The following NAMPT variants were observed in gnomAD, a reference collection of about 807,000 sequenced individuals.
The protein encoded by NAMPT is NAmPRTase.
In NAMPT, 7 loss-of-function variants were observed where a neutral mutation model predicts 58.7. That is an observed-to-expected ratio of 0.12 (90% CI 0.07 to 0.22). The LOEUF is 0.22. Among genes scored for constraint, NAMPT ranks in the 10% least tolerant of loss-of-function variants. The pLI, the probability that NAMPT is intolerant of heterozygous loss-of-function variation, is 1.00. For missense variants in NAMPT, 271 were observed against 567.9 expected (o/e 0.48, Z 5.31); for synonymous variants, 145 against 198.1 (o/e 0.73, Z 2.25).
intron 1 of NAMPT, chr7:106,284,253 C>A (rs1792820083): frequency 1.3e-5 from 2 of 152,152 alleles, no homozygotes; most frequent in South Asian, 4.1e-4. Flanking sequence ...CTACCGGGGC[C>A]AGGCGAGTGT....
At chr7:106,260,931 A>G (rs756584485) in intron 8 of NAMPT, among the ~76,000 whole-genome samples, 1 of 152,220 alleles carries the variant, frequency 6.6e-6, no homozygotes, top group African/African-American at 2.4e-5. Context: ...ACAGATCACC[A>G]TAACAGATAT....
At chr7:106,265,292 C>T (rs1020653410) in intron 6 of NAMPT, among the ~76,000 whole-genome samples, 2 of 152,094 alleles carry the variant, frequency 1.3e-5, no homozygotes, top group Admixed American at 1.3e-4. Flanking sequence ...AGTCACCTAA[C>T]GATCTACTTG....
intron 6 of NAMPT, among the ~76,000 whole-genome samples, chr7:106,266,898 T>C (rs1445802763): frequency 6.6e-6 from 1 of 152,198 alleles, no homozygotes. Flanking sequence ...TGCACATAGT[T>C]AACATTCAGT....
Position 106,249,819 on chromosome 7 carries a change from C to T in NAMPT, c.*1264G>A, listed in dbSNP as rs563554798. ...GATCTACATACATAAAAGAATCATTCGAAAGAAACTGGTCTCTAGTCAGAT... is the reference window on the plus strand; with the variant it reads ...GATCTACATACATAAAAGAATCATTTGAAAGAAACTGGTCTCTAGTCAGAT... On this transcript the variant is annotated 3_prime_UTR_variant, in exon 11 of 11. Coordinates refer to ENST00000222553, the MANE Select transcript of NAMPT (RefSeq NM_005746.3). The T allele has an allele frequency of 4.6e-5, 7 of 151,936 alleles. No homozygotes were observed. The highest frequency in any genetic ancestry group is 1.3e-4 in the Admixed American group (2 of 15,228). The allele number at this position is 151,936 out of a possible 1,614,324, so 9.4% of individuals were successfully genotyped here.
At chr7:106,261,754 C>G in intron 7 of NAMPT, 47 bp from the exon 8 acceptor site, 1 of 1,559,198 alleles carries the variant, frequency 6.4e-7, no homozygotes, top group Non-Finnish European at 8.8e-7. Context: ...AAGCTGAAAA[C>G]AAGTATAAGA....
rs561078750 is a variant in NAMPT, at chr7:106,256,038, G to A, written c.1090-1534C>T. Among the ~76,000 whole-genome samples, 19 of 152,288 alleles carry A rather than the reference G, an allele frequency of 1.2e-4. 1 individual carries two copies. The highest frequency in any genetic ancestry group is 7.8e-4 in the Admixed American group (12 of 15,306). On this transcript the variant is annotated intron_variant, in intron 8 of 10. Coordinates refer to ENST00000222553, the MANE Select transcript of NAMPT (RefSeq NM_005746.3). The stretch of plus-strand genomic sequence containing the variant: ...AGTTTTAAAATTTAGACAATTTGGA[G>A]TTAAAGTGAATTTTGAGTCTGGGAA...
intron 1 of NAMPT, among the ~76,000 whole-genome samples, chr7:106,280,700 G>C (rs904513922): frequency 6.6e-6 from 1 of 152,142 alleles, no homozygotes; most frequent in African/African-American, 2.4e-5. Flanking sequence ...CCAGCACTTT[G>C]GGAGGCCAAG....
At chr7:106,276,783 GCTGAGTTGAGATCATGCCATTGCA>G (rs1458388002) in intron 2 of NAMPT, 4 of 368,080 alleles carry the variant, frequency 1.1e-5, no homozygotes, top group Non-Finnish European at 2.0e-5. Context: ...CGGAGGTTGC[GCTGAGTTGAGATCATGCCATTGCA>G]CTCCAGCCTG....
intron 1 of NAMPT, among the ~76,000 whole-genome samples, chr7:106,277,551 G>T (rs1042209865): frequency 6.6e-6 from 1 of 152,170 alleles, no homozygotes; most frequent in Non-Finnish European, 1.5e-5. Flanking sequence ...GCAGAATTTG[G>T]TACTGCTAAT....
At chr7:106,285,440 C>T (rs953180476), upstream of NAMPT, 1 of 701,644 alleles carries the variant, frequency 1.4e-6, no homozygotes, top group South Asian at 6.2e-5. Flanking sequence ...CCTACCCAGT[C>T]CTGGCCGGTT....
At chr7:106,280,735 A>G (rs1292557819) in intron 1 of NAMPT, among the ~76,000 whole-genome samples, 1 of 152,026 alleles carries the variant, frequency 6.6e-6, no homozygotes, top group East Asian at 1.9e-4. Flanking sequence ...AGGTCGGGAG[A>G]TGGAGACCAT....
At chr7:106,258,884 GACA>G (rs1016591545) in intron 8 of NAMPT, among the ~76,000 whole-genome samples, 7 of 151,988 alleles carry the variant, frequency 4.6e-5, no homozygotes, top group African/African-American at 1.7e-4. Context: ...GCCTTAAAAT[GACA>G]ACAATGAAGT....
intron 3 of NAMPT, among the ~76,000 whole-genome samples, chr7:106,274,568 A>G (rs1792598365): frequency 6.6e-6 from 1 of 152,146 alleles, no homozygotes; most frequent in South Asian, 2.1e-4. Context: ...TCTTATTCAA[A>G]TTCTGGCCGG....
Position 106,277,192 on chromosome 7 carries a change from A to G in NAMPT, c.58-13T>C. On this transcript the variant is annotated splice_polypyrimidine_tract_variant and intron_variant, in intron 1 of 10. Coordinates refer to ENST00000222553, the MANE Select transcript of NAMPT (RefSeq NM_005746.3). The stretch of plus-strand genomic sequence containing the variant: ...TATAGTGAGTAACCTATGTAAAGAA[A>G]TACACTTCTGTTAGAAAACACCGAT... The G allele has an allele frequency of 6.2e-7, 1 of 1,601,198 alleles. No individual in the cohort carries two copies. Among genetic ancestry groups the G allele is most frequent in the Non-Finnish European group, 8.5e-7 (1 of 1,171,564 alleles).
At chr7:106,257,402 C>T (rs573005197) in intron 8 of NAMPT, among the ~76,000 whole-genome samples, 10 of 150,208 alleles carry the variant, frequency 6.7e-5, no homozygotes, top group African/African-American at 2.5e-4. Flanking sequence ...GAGTTCGAGG[C>T]CAAACAGTTG....
chr7:106,267,466 A>G (rs1232997934), intron 6 of NAMPT, among the ~76,000 whole-genome samples: 2 of 152,194 alleles, frequency 1.3e-5, no homozygotes, highest in African/African-American at 4.8e-5. Context: ...TTTAAGTATT[A>G]GCAGAACTTA....
At chr7:106,253,843 C>CCT (rs1301384565) in intron 9 of NAMPT, among the ~76,000 whole-genome samples, 1 of 152,094 alleles carries the variant, frequency 6.6e-6, no homozygotes, top group Non-Finnish European at 1.5e-5. Context: ...TTAGCATCCT[C>CCT]CTGCCTCTGT....
chr7:106,267,703 T>TAGTGGCGGGCGC (rs937516034), intron 6 of NAMPT, among the ~76,000 whole-genome samples: 1 of 148,864 alleles, frequency 6.7e-6, no homozygotes, highest in Non-Finnish European at 1.5e-5. Context: ...TAGCCGGGCG[T>TAGTGGCGGGCGC]AGTGGCGGGC....
intron 1 of NAMPT, among the ~76,000 whole-genome samples, chr7:106,278,101 T>C (rs977965720): frequency 6.6e-6 from 1 of 152,200 alleles, no homozygotes; most frequent in Non-Finnish European, 1.5e-5. Flanking sequence ...CCATTTTTCA[T>C]GAGTGATCAC....
Sources: gnomAD v4.1 joint callset for allele counts (sites outside exome capture counted in the v4.1 genomes callset) on GRCh38, gnomAD v4.1.1 for gene constraint, MANE v1.5 for transcripts, NCBI Gene and HGNC (gene_info 2026-07-23, HGNC 2026-07-21) for gene names.